HELZ: variants seen among roughly 807,000 people sequenced by gnomAD.
HELZ encodes ATP-dependent RNA helicase with zinc finger domain.
HELZ carries 23 observed loss-of-function variants against 218.2 expected under a neutral mutation model. The ratio of observed to expected loss-of-function variants is 0.11; its 90% CI spans 0.08 to 0.15. The LOEUF is 0.15. Ranked by LOEUF, HELZ falls within the 10% of genes least tolerant of loss-of-function variation. The pLI is 1.00. For synonymous variants in HELZ, 814 were observed against 829.4 expected (o/e 0.98, Z 0.32); for missense variants, 1,813 against 2,353.7 (o/e 0.77, Z 4.75).
chr17:67,093,740 C>G (rs1005988744), intron 31 of HELZ, among the ~76,000 whole-genome samples: 4 of 152,212 alleles, frequency 2.6e-5, no homozygotes, highest in African/African-American at 9.7e-5. Context: ...TGCTACCCCA[C>G]AGTCCAAGCC....
chr17:67,234,914 G>A (rs1394900192), intron 3 of HELZ, among the ~76,000 whole-genome samples: 1 of 152,028 alleles, frequency 6.6e-6, no homozygotes, highest in African/African-American at 2.4e-5. Context: ...CCTCTTCAGT[G>A]GAAGTGTTCC....
At chr17:67,086,735 T>C (rs1194575076) in intron 32 of HELZ, 94 bp downstream of exon 32, 1 of 1,321,970 alleles carries the variant, frequency 7.6e-7, no homozygotes, top group Non-Finnish European at 1.1e-6. Context: ...AAGATGATAA[T>C]GCAAATTGGG....
At chr17:67,217,930 GTT>G (rs1316743927) in intron 4 of HELZ, among the ~76,000 whole-genome samples, 2 of 134,796 alleles carry the variant, frequency 1.5e-5, no homozygotes, top group Non-Finnish European at 1.6e-5. Context: ...GTTTTTTGTT[GTT>G]TTTTTTTTTT....
upstream of HELZ, chr17:67,245,977 G>A (rs918109739): frequency 2.4e-4 from 36 of 152,484 alleles, no homozygotes; most frequent in African/African-American, 8.7e-4. Context: ...AGGTAATCCG[G>A]GGCGCCGGCT....
intron 20 of HELZ, among the ~76,000 whole-genome samples, chr17:67,147,277 T>C (rs2038527857): frequency 6.6e-6 from 1 of 152,144 alleles, no homozygotes. Flanking sequence ...TGTAGATATA[T>C]ATAGATATAG....
intron 2 of HELZ, among the ~76,000 whole-genome samples, chr17:67,243,087 A>T (rs1363006416): frequency 6.6e-6 from 1 of 152,242 alleles, no homozygotes; most frequent in Non-Finnish European, 1.5e-5. Context: ...ATAGCACAGA[A>T]AACTATTCAC....
chr17:67,185,832 G>T (rs948002024), intron 12 of HELZ, among the ~76,000 whole-genome samples: 4 of 152,000 alleles, frequency 2.6e-5, no homozygotes, highest in African/African-American at 9.7e-5. Context: ...AAACTACAAA[G>T]AAGTCACTAA....
intron 5 of HELZ, among the ~76,000 whole-genome samples, chr17:67,206,282 G>A (rs1371152818): frequency 4.6e-5 from 7 of 152,194 alleles, no homozygotes; most frequent in Non-Finnish European, 7.3e-5. Context: ...AGTTACAAAG[G>A]AGGACTTCTG....
intron 32 of HELZ, among the ~76,000 whole-genome samples, chr17:67,085,421 C>T (rs2036338315): frequency 6.6e-6 from 1 of 151,990 alleles, no homozygotes; most frequent in Non-Finnish European, 1.5e-5. Flanking sequence ...GACCCTGTCT[C>T]AAAAACAACA....
intron 17 of HELZ, among the ~76,000 whole-genome samples, chr17:67,152,102 G>A (rs898552652): frequency 2.0e-5 from 3 of 152,208 alleles, no homozygotes; most frequent in African/African-American, 4.8e-5. Flanking sequence ...TATATGGTGG[G>A]GGTGGATAGC....
chr17:67,210,944 A>G (rs1232674703), intron 5 of HELZ, among the ~76,000 whole-genome samples: 1 of 152,180 alleles, frequency 6.6e-6, no homozygotes, highest in Admixed American at 6.5e-5. Flanking sequence ...CTATATAATG[A>G]CTATTCGAAA....
At chr17:67,082,311 C>T (rs2036219543) in intron 32 of HELZ, among the ~76,000 whole-genome samples, 2 of 152,106 alleles carry the variant, frequency 1.3e-5, no homozygotes, top group Non-Finnish European at 2.9e-5. Context: ...AAACTGAAAC[C>T]ACAAGAAACC....
At chr17:67,211,275 T>C (rs1372931858) in intron 5 of HELZ, among the ~76,000 whole-genome samples, 1 of 152,116 alleles carries the variant, frequency 6.6e-6, no homozygotes, top group Non-Finnish European at 1.5e-5. Context: ...AACAGGTAAA[T>C]TTGATTATGG....
At chr17:67,195,598 T>A (rs1187215469) in intron 7 of HELZ, 128 bp from the exon 8 acceptor site, 2 of 581,928 alleles carry the variant, frequency 3.4e-6, no homozygotes, top group African/African-American at 1.9e-5. Context: ...AACATTAATA[T>A]GTTGCCAATG....
At chr17:67,132,090 G>T (rs1299190693) in intron 23 of HELZ, among the ~76,000 whole-genome samples, 1 of 152,000 alleles carries the variant, frequency 6.6e-6, no homozygotes, top group Non-Finnish European at 1.5e-5. Context: ...ATAATTTTAG[G>T]CATTTCAAAG....
chr17:67,189,748 A>G (rs775593702), intron 10 of HELZ, 52 bp from the exon 11 acceptor site: 6 of 1,156,828 alleles, frequency 5.2e-6, no homozygotes, highest in Non-Finnish European at 7.8e-6. Flanking sequence ...GGGCACAAAC[A>G]AAATCTTTTA....
At chr17:67,235,233 G>A (rs950274080) in intron 3 of HELZ, among the ~76,000 whole-genome samples, 7 of 152,060 alleles carry the variant, frequency 4.6e-5, no homozygotes, top group African/African-American at 9.7e-5. Context: ...AAGGCCGGGC[G>A]CGGTGGCTCA....
chr17:67,145,670 T>G (rs1233992753), intron 21 of HELZ, 73 bp downstream of exon 21: 2 of 1,289,758 alleles, frequency 1.6e-6, no homozygotes, highest in African/African-American at 3.0e-5. Flanking sequence ...CCCAAAACTT[T>G]AAATAAATGC....
At position 67,132,218 on chromosome 17, in the gene HELZ, CTGTGTGTGTGTGTGTG is replaced by C. The variant is rs57691319; in HGVS notation, c.3183-3379_3183-3364del. 2.0e-5 allele frequency among the ~76,000 whole-genome samples: 3 copies of C among 147,878 alleles called. No individual in the cohort carries two copies. In the East Asian group the frequency reaches 5.9e-4, roughly 29 times the overall value. On this transcript the variant is annotated intron_variant, in intron 23 of 32. Transcript: ENST00000358691. ...AAAATCACTTGGTGTCCTTAGGTCA[CTGTGTGTGTGTGTGTG>C]TGTGTGTGTGTGTACACAAATATAC...
Sources: allele counts gnomAD v4.1 joint callset (sites outside exome capture counted in the v4.1 genomes callset), GRCh38; gene constraint gnomAD v4.1.1; transcripts MANE v1.5; gene names NCBI Gene and HGNC (gene_info 2026-07-23, HGNC 2026-07-21).